MAEA: variants seen among roughly 807,000 people sequenced by gnomAD.
MAEA encodes macrophage erythroblast attacher, E3 ubiquitin ligase, also known as E3 ubiquitin-protein transferase MAEA.
MAEA carries 22 observed loss-of-function variants against 46.2 expected under a neutral mutation model. The ratio of observed to expected loss-of-function variants is 0.48; its 90% CI spans 0.34 to 0.68. MAEA has a LOEUF of 0.68. Among genes scored for constraint, MAEA ranks in the 30% least tolerant of loss-of-function variants. The pLI is 0.01. For missense variants in MAEA, 393 were observed against 558.1 expected, an observed-to-expected ratio of 0.70 and a Z score of 2.98; for synonymous variants, 246 against 222.6, an observed-to-expected ratio of 1.11 and a Z score of -0.94.
At chr4:1,323,361 A>T (rs2108962912) in intron 4 of MAEA, 1 of 628,658 alleles carries the variant, frequency 1.6e-6, no homozygotes, top group Non-Finnish European at 2.9e-6. Flanking sequence ...AAATGTTTTA[A>T]CTTATGTTAA....
At chr4:1,325,765 G>A (rs1240078462) in intron 4 of MAEA, among the ~76,000 whole-genome samples, 2 of 152,096 alleles carry the variant, frequency 1.3e-5, no homozygotes, top group African/African-American at 4.8e-5. Context: ...AGTGCTGACC[G>A]AAGTCTGCCT....
intron 1 of MAEA, among the ~76,000 whole-genome samples, chr4:1,303,526 G>A (rs79577957): frequency 2.6e-5 from 4 of 152,214 alleles, no homozygotes; most frequent in South Asian, 2.1e-4. Context: ...GTGGAGCGTC[G>A]CTGTATGCCA....
At chr4:1,313,948 C>A (rs940750378) in intron 2 of MAEA, among the ~76,000 whole-genome samples, 4 of 148,472 alleles carry the variant, frequency 2.7e-5, no homozygotes, top group African/African-American at 1.0e-4. Flanking sequence ...GCAGGAGAAT[C>A]GCTTGAGCCC....
At chr4:1,291,749 A>G (rs1271648577) in intron 1 of MAEA, among the ~76,000 whole-genome samples, 1 of 152,210 alleles carries the variant, frequency 6.6e-6, no homozygotes, top group African/African-American at 2.4e-5. Context: ...GGTCTCCGGA[A>G]AGGATTCTTC....
intron 2 of MAEA, among the ~76,000 whole-genome samples, chr4:1,313,719 A>G (rs1468308524): frequency 6.6e-6 from 1 of 151,850 alleles, no homozygotes; most frequent in Non-Finnish European, 1.5e-5. Context: ...GCGAGACCCT[A>G]TCTCAAAAAA....
Position 1,334,019 on chromosome 4 carries a change from CAT to C in MAEA, c.765+1155_765+1156del, listed in dbSNP as rs1712317568. On this transcript the variant is annotated intron_variant, in intron 6 of 8. Transcript: ENST00000303400. ...ATCCCATGCCTACCGTGCTCACCCC[CAT>C]GCCCACCCCATGCCCACCATGTGCT... is the stretch of plus-strand genomic sequence containing the variant. 8.5e-5 allele frequency among the ~76,000 whole-genome samples: 3 copies of C among 35,448 alleles called. 1 individual carries two copies. Among genetic ancestry groups the C allele is most frequent in the African/African-American group, 3.7e-4 (2 of 5,454 alleles). 23.3% of individuals were successfully genotyped at this position (35,448 alleles called of 152,430 possible).
intron 1 of MAEA, among the ~76,000 whole-genome samples, chr4:1,297,057 C>T (rs1167880411): frequency 2.6e-5 from 4 of 152,184 alleles, no homozygotes; most frequent in African/African-American, 4.8e-5. Flanking sequence ...GAGCTCTCTT[C>T]GCATGTCTGG....
At chr4:1,327,915 G>A (rs984887326) in intron 5 of MAEA, among the ~76,000 whole-genome samples, 8 of 152,184 alleles carry the variant, frequency 5.3e-5, no homozygotes. Flanking sequence ...CAGGGCCCCC[G>A]CCAAGGTGTG....
intron 5 of MAEA, chr4:1,332,455 C>A: frequency 3.5e-6 from 1 of 282,380 alleles, no homozygotes; most frequent in Non-Finnish European, 6.9e-6. Flanking sequence ...CGGCTCATGC[C>A]TATAATCCCA....
At chr4:1,336,822 T>TGGGAGCATCCCC (rs1712827933) in intron 6 of MAEA, 39 bp from the exon 7 acceptor site, 1 of 1,597,952 alleles carries the variant, frequency 6.3e-7, no homozygotes, top group Admixed American at 1.7e-5. Context: ...GGAGCTTCCC[T>TGGGAGCATCCCC]GGGAGCATCC....
chr4:1,301,322 C>T (rs1336418084), intron 1 of MAEA, among the ~76,000 whole-genome samples: 1 of 152,192 alleles, frequency 6.6e-6, no homozygotes, highest in African/African-American at 2.4e-5. Context: ...ACACTGCTTG[C>T]CACATTCTGT....
chr4:1,302,116 C>A (rs1172113910), intron 1 of MAEA, among the ~76,000 whole-genome samples: 1 of 151,254 alleles, frequency 6.6e-6, no homozygotes, highest in African/African-American at 2.4e-5. Context: ...TCTTAGAAAA[C>A]TAAGAAAATC....
chr4:1,335,700 AGAGTT>A (rs1712667086), intron 6 of MAEA: 1 of 985,214 alleles, frequency 1.0e-6, no homozygotes, highest in Non-Finnish European at 1.2e-6. Flanking sequence ...TTGAAACCAC[AGAGTT>A]AAGTCAGCAC....
chr4:1,309,877 C>T lies in MAEA; in HGVS notation c.70-2102C>T. 6 of 1,304,400 alleles carry T rather than the reference C, an allele frequency of 4.6e-6. No individual in the cohort carries two copies. The South Asian group carries it at 7.0e-5, about 15-fold the overall frequency. The allele number at this position is 1,304,400 out of a possible 1,614,324, so 80.8% of individuals were successfully genotyped here. Reference sequence around the variant, plus strand: ...GAGCAGCGTCAGCACCGCGGTGAGGCGGACGGCCCGGCAGGGGTTGGAAAG... The same window carrying T: ...GAGCAGCGTCAGCACCGCGGTGAGGTGGACGGCCCGGCAGGGGTTGGAAAG... On this transcript the variant is annotated intron_variant, in intron 1 of 8. Transcript: ENST00000303400.
rs1231280908 is a variant in MAEA, at chr4:1,311,293, C to T, written c.70-686C>T. ...AGCGCTGGGGCGTGATTCTGTCGTG[C>T]CGCTTTCAAACCGTAGAGCACAGGA... is the stretch of plus-strand genomic sequence containing the variant. On this transcript the variant is annotated intron_variant, in intron 1 of 8. Transcript: ENST00000303400. The surrounding 1 kb of genome is among the most constrained non-coding windows in gnomAD (Gnocchi z 4.4). 6.6e-6 allele frequency among the ~76,000 whole-genome samples: 1 copy of T among 152,242 alleles called. No homozygotes were observed. The highest frequency in any genetic ancestry group is 1.5e-5 in the Non-Finnish European group (1 of 68,036).
Position 1,338,554 on chromosome 4 carries a change from C to T in MAEA, c.1032C>T (p.Gly344=), listed in dbSNP as rs757979873. 5.6e-6 allele frequency: 9 copies of T among 1,613,176 alleles called. No homozygotes were observed. Among genetic ancestry groups the T allele is most frequent in the South Asian group, 4.4e-5 (4 of 91,078 alleles). ...ANSRLVCKIS[G]DVMNENNPPM... is the part of the protein sequence containing the mutation. ...CCCGCCTGGTCTGCAAGATTTCTGG[C>T]GACGTGATGAACGAGAACAATCCGC... The change falls in exon 8 of 9, where the codon GGC becomes GGT. Residue 344 remains glycine, a synonymous_variant. Transcript: ENST00000303400.
intron 1 of MAEA, among the ~76,000 whole-genome samples, chr4:1,294,098 T>C (rs1264519869): frequency 6.6e-6 from 1 of 152,208 alleles, no homozygotes; most frequent in Non-Finnish European, 1.5e-5. Flanking sequence ...GGCCGGCTTT[T>C]TCGATGTACT....
intron 2 of MAEA, among the ~76,000 whole-genome samples, chr4:1,314,653 G>A (rs1343345920): frequency 6.6e-6 from 1 of 152,232 alleles, no homozygotes; most frequent in Non-Finnish European, 1.5e-5. Context: ...CCGACACAGA[G>A]TAAGTGAAAA....
At position 1,300,279 on chromosome 4, in the gene MAEA, C is replaced by G. The variant is rs371688732; in HGVS notation, c.69+10297C>G. Among the ~76,000 whole-genome samples, 86 of 152,292 alleles carry G rather than the reference C, an allele frequency of 5.6e-4. 1 individual carries two copies. In the South Asian group the frequency reaches 0.016, roughly 28 times the overall value. On this transcript the variant is annotated intron_variant, in intron 1 of 8. Coordinates refer to ENST00000303400, the MANE Select transcript of MAEA (RefSeq NM_001017405.3). ...AGGATGCCGTGTTTCTGCATGAAAA[C>G]CGTAATGATATCATATTGTTCTTTT...
Sources: allele counts gnomAD v4.1 joint callset (sites outside exome capture counted in the v4.1 genomes callset), GRCh38; gene constraint gnomAD v4.1.1; non-coding constraint Gnocchi (gnomAD v3.1); transcripts MANE v1.5; gene names NCBI Gene and HGNC (gene_info 2026-07-23, HGNC 2026-07-21).